Variants in KRT8 observed in about 807,000 individuals in gnomAD.
KRT8 encodes the protein keratin 8.
A neutral mutation model predicts 43.0 loss-of-function variants in KRT8; 24 were observed. That is an observed-to-expected ratio of 0.56 (90% confidence interval 0.40 to 0.78). KRT8 has a LOEUF of 0.78. Among genes scored for constraint, KRT8 ranks in the 30% least tolerant of loss-of-function variants. The pLI is 0.00. For missense variants in KRT8, 492 were observed against 638.4 expected (o/e 0.77, Z 2.47); for synonymous variants, 214 against 261.2 (o/e 0.82, Z 1.74).
exon 6 of KRT8, chr12:52,898,867 G>C: frequency 1.9e-6 from 3 of 1,613,328 alleles, no homozygotes; most frequent in Middle Eastern, 1.7e-4. Flanking sequence ...CACGCTGCTC[G>C]GCATCTGCAA....
chr12:52,906,459 C>G (rs1941521464), upstream of KRT8: 2 of 339,172 alleles, frequency 5.9e-6, no homozygotes, highest in Non-Finnish European at 1.2e-5. Context: ...GAGGAAGAGT[C>G]CCTGCACCTG....
intron 2 of KRT8, among the ~76,000 whole-genome samples, chr12:52,939,277 G>A (rs1463765665): frequency 5.3e-5 from 8 of 151,354 alleles, no homozygotes; most frequent in African/African-American, 1.2e-4. Flanking sequence ...AGACTGAGGC[G>A]GGCAGATCAC....
chr12:52,917,019 C>A (rs1395841291), intron 2 of KRT8, among the ~76,000 whole-genome samples: 3 of 152,106 alleles, frequency 2.0e-5, no homozygotes, highest in Non-Finnish European at 4.4e-5. Flanking sequence ...TAACCAGCAC[C>A]AATAGGAAGG....
intron 2 of KRT8, among the ~76,000 whole-genome samples, chr12:52,933,213 T>C (rs184076162): frequency 6.6e-4 from 101 of 152,334 alleles, no homozygotes; most frequent in African/African-American, 2.3e-3. Context: ...CCCAGAGTGC[T>C]GGGATTACAG....
intron 2 of KRT8, among the ~76,000 whole-genome samples, chr12:52,918,236 A>AAGAAGG (rs1941813486): frequency 1.3e-5 from 2 of 151,104 alleles, no homozygotes; most frequent in South Asian, 2.1e-4. Flanking sequence ...GAAGAAGAAG[A>AAGAAGG]AGAAGAAGAA....
intron 2 of KRT8, among the ~76,000 whole-genome samples, chr12:52,915,413 A>G (rs1941717166): frequency 6.6e-6 from 1 of 151,370 alleles, no homozygotes; most frequent in Admixed American, 6.6e-5. Context: ...GACCAGGAAG[A>G]AATGCTGGAC....
At chr12:52,932,585 C>T (rs1942102490) in intron 2 of KRT8, among the ~76,000 whole-genome samples, 1 of 151,940 alleles carries the variant, frequency 6.6e-6, no homozygotes, top group African/African-American at 2.4e-5. Context: ...AAATAAAAGG[C>T]ATACAGATGG....
upstream of KRT8, among the ~76,000 whole-genome samples, chr12:52,909,185 A>G (rs539274249): frequency 6.6e-6 from 1 of 152,352 alleles, no homozygotes; most frequent in African/African-American, 2.4e-5. Context: ...AATGAGCTAC[A>G]TATAAAAAGC....
chr12:52,901,400 C>T (rs7312512), intron 2 of KRT8, 181 bp from the exon 3 acceptor site: 348,902 of 652,246 alleles, frequency 0.53, 95,657 homozygotes, highest in South Asian at 0.7. Context: ...TCCCTTAGCC[C>T]GTGGGAAGCA....
At chr12:52,918,039 A>G (rs202126327) in intron 2 of KRT8, among the ~76,000 whole-genome samples, 35 of 118,904 alleles carry the variant, frequency 2.9e-4, no homozygotes, top group South Asian at 1.6e-3. Context: ...GGAGGAGGAG[A>G]AGAAGAAGAA....
intron 2 of KRT8, among the ~76,000 whole-genome samples, chr12:52,944,877 A>C (rs1453448657): frequency 6.6e-6 from 1 of 152,164 alleles, no homozygotes; most frequent in Non-Finnish European, 1.5e-5. Context: ...CTGAAATTCC[A>C]GAAGTCTTGA....
intron 2 of KRT8, among the ~76,000 whole-genome samples, chr12:52,938,136 CTA>C (rs1161700326): frequency 2.5e-4 from 11 of 44,046 alleles, no homozygotes; most frequent in Admixed American, 6.2e-4. Context: ...CACTAGAAAG[CTA>C]TATATATATA....
chr12:52,937,700 AAAG>A (rs1321112613), intron 2 of KRT8, among the ~76,000 whole-genome samples: 70 of 150,978 alleles, frequency 4.6e-4, no homozygotes, highest in African/African-American at 1.5e-3. Flanking sequence ...AAAAAAAAAA[AAAG>A]AAGAAGAAAA....
chr12:52,906,444 A>C, upstream of KRT8: 1 of 311,604 alleles, frequency 3.2e-6, no homozygotes, highest in Admixed American at 4.3e-5. Context: ...GGGCCAGAGG[A>C]AATAGAGGAA....
intron 2 of KRT8, among the ~76,000 whole-genome samples, chr12:52,924,989 A>G (rs1045406358): frequency 4.6e-5 from 7 of 152,216 alleles, no homozygotes; most frequent in African/African-American, 1.7e-4. Context: ...GCGTCTGTGG[A>G]AAAGGAACAG....
chr12:52,927,990 G>A (rs916518169), intron 2 of KRT8, among the ~76,000 whole-genome samples: 6 of 152,178 alleles, frequency 3.9e-5, no homozygotes, highest in African/African-American at 1.2e-4. Context: ...GGCGGGAGGC[G>A]CAGGTTGCAG....
At chr12:52,927,549 A>G (rs1942014464) in intron 2 of KRT8, among the ~76,000 whole-genome samples, 1 of 152,232 alleles carries the variant, frequency 6.6e-6, no homozygotes, top group African/African-American at 2.4e-5. Context: ...GGTCCTGGCC[A>G]GGGGTGGAGT....
chr12:52,907,012 ACCC>A, upstream of KRT8: 32 of 259,338 alleles, frequency 1.2e-4, no homozygotes, highest in East Asian at 5.4e-4. Flanking sequence ...ACACACACAC[ACCC>A]CACACATTGA....
intron 1 of KRT8, among the ~76,000 whole-genome samples, chr12:52,902,401 T>TTTGGGAGTCTCCGG (rs765695496): frequency 6.6e-6 from 1 of 152,090 alleles, no homozygotes; most frequent in Non-Finnish European, 1.5e-5. Flanking sequence ...CCAAGCTTTC[T>TTTGGGAGTCTCCGG]TTGGGAGTCT....
Sources: gnomAD v4.1 joint callset for allele counts (sites outside exome capture counted in the v4.1 genomes callset) on GRCh38, gnomAD v4.1.1 for gene constraint, MANE v1.5 for transcripts, NCBI Gene and HGNC (gene_info 2026-07-23, HGNC 2026-07-21) for gene names.